Variants in GTF2F2 observed in about 807,000 individuals in gnomAD.
GTF2F2 encodes ATP-dependent helicase GTF2F2.
Under a neutral mutation model 42.2 loss-of-function variants are expected in GTF2F2, and 23 were observed. The ratio of observed to expected loss-of-function variants is 0.55; its 90% CI spans 0.39 to 0.77. The LOEUF (loss-of-function observed/expected upper bound fraction) is 0.77, where lower values mean the gene tolerates loss of function less well. Ranked by LOEUF, GTF2F2 falls within the 30% of genes least tolerant of loss-of-function variation. GTF2F2 has a pLI of 0.00. For synonymous variants in GTF2F2, 105 were observed against 100.8 expected (o/e 1.04, Z -0.25); for missense variants, 261 against 287.2 (o/e 0.91, Z 0.66).
At chr13:45,178,080 G>A (rs1188692584) in intron 4 of GTF2F2, among the ~76,000 whole-genome samples, 1 of 152,028 alleles carries the variant, frequency 6.6e-6, no homozygotes, top group Non-Finnish European at 1.5e-5. Context: ...TCCTTCATTT[G>A]TAGAAAACTT....
intron 4 of GTF2F2, among the ~76,000 whole-genome samples, chr13:45,189,739 A>T (rs892909008): frequency 1.3e-5 from 2 of 151,774 alleles, no homozygotes; most frequent in African/African-American, 4.8e-5. Context: ...GTTTTTATTT[A>T]CAATACCATT....
chr13:45,169,239 A>C (rs571069027), intron 4 of GTF2F2, among the ~76,000 whole-genome samples: 5 of 152,146 alleles, frequency 3.3e-5, no homozygotes, highest in Non-Finnish European at 5.9e-5. Flanking sequence ...TAAAGAGGCG[A>C]TGAATTTAAA....
intron 2 of GTF2F2, among the ~76,000 whole-genome samples, chr13:45,145,196 CT>C (rs1870133705): frequency 1.3e-5 from 2 of 152,170 alleles, no homozygotes; most frequent in African/African-American, 4.8e-5. Flanking sequence ...CTGCTAGGAA[CT>C]TATCCCAGGG....
chr13:45,262,914 A>G (rs955184233), intron 6 of GTF2F2, among the ~76,000 whole-genome samples: 1 of 151,030 alleles, frequency 6.6e-6, no homozygotes, highest in Non-Finnish European at 1.5e-5. Flanking sequence ...TTTTGTAGAG[A>G]TGGGTCTCAC....
chr13:45,133,356 A>T (rs969197116), intron 1 of GTF2F2, among the ~76,000 whole-genome samples: 6 of 152,190 alleles, frequency 3.9e-5, no homozygotes, highest in Non-Finnish European at 8.8e-5. Context: ...TATTAGGCTG[A>T]CTTGTCCCAG....
At chr13:45,125,695 T>C (rs1318693764) in intron 1 of GTF2F2, among the ~76,000 whole-genome samples, 1 of 152,212 alleles carries the variant, frequency 6.6e-6, no homozygotes, top group Non-Finnish European at 1.5e-5. Flanking sequence ...TTTATGTCTT[T>C]GGTCTTGTCA....
At chr13:45,223,459 G>A (rs1166665009) in intron 5 of GTF2F2, among the ~76,000 whole-genome samples, 4 of 151,946 alleles carry the variant, frequency 2.6e-5, no homozygotes, top group Non-Finnish European at 5.9e-5. Context: ...GAGTGGGGGT[G>A]GTGATGGCCA....
At chr13:45,281,038 A>G (rs74069904) in intron 7 of GTF2F2, among the ~76,000 whole-genome samples, 83 of 152,360 alleles carry the variant, frequency 5.4e-4, no homozygotes, top group African/African-American at 1.8e-3. Context: ...ATCCTGTTCA[A>G]TTAGAAAGTA....
chr13:45,264,385 G>A (rs190468831), intron 6 of GTF2F2, among the ~76,000 whole-genome samples: 5 of 151,820 alleles, frequency 3.3e-5, no homozygotes, highest in Middle Eastern at 3.2e-3. Flanking sequence ...GGCTTCAAGC[G>A]ATTCTGCTGC....
chr13:45,277,949 T>G (rs996039538), intron 7 of GTF2F2, among the ~76,000 whole-genome samples: 1 of 152,248 alleles, frequency 6.6e-6, no homozygotes, highest in Non-Finnish European at 1.5e-5. Flanking sequence ...GTTAACTTAC[T>G]TAAAGCATTA....
intron 4 of GTF2F2, among the ~76,000 whole-genome samples, chr13:45,153,011 ATTT>A (rs374461737): frequency 7.1e-6 from 1 of 141,662 alleles, no homozygotes; most frequent in Non-Finnish European, 1.5e-5. Flanking sequence ...ATCCTCGTAA[ATTT>A]TTTTTTTTTT....
Position 45,181,193 on chromosome 13 carries a change from A to AC in GTF2F2, c.305-26231_305-26230insC, listed in dbSNP as rs1566125543. Among the ~76,000 whole-genome samples the AC allele has an allele frequency of 1.8e-4, 21 of 118,318 alleles. 1 individual carries two copies. Among genetic ancestry groups the AC allele is most frequent in the African/African-American group, 1.4e-3 (20 of 14,336 alleles). The allele number at this position is 118,318 out of a possible 152,430, so 77.6% of individuals were successfully genotyped here. A position where few individuals can be genotyped will look rare whatever the true frequency, so the allele number is the denominator to read the frequency against. ...AAAGACAAAAAAACAAACAAACAAA[A>AC]AAAAAAAAAACCAGAAAAACCAAAG... On this transcript the variant is annotated intron_variant, in intron 4 of 7. Transcript: ENST00000340473.
At chr13:45,174,640 T>TTC (rs1871781087) in intron 4 of GTF2F2, among the ~76,000 whole-genome samples, 2 of 149,004 alleles carry the variant, frequency 1.3e-5, no homozygotes, top group Admixed American at 6.6e-5. Context: ...TTTTCTTTTT[T>TTC]TTTTTTTTTT....
chr13:45,260,570 A>G (rs957400910), intron 6 of GTF2F2, among the ~76,000 whole-genome samples: 2 of 152,268 alleles, frequency 1.3e-5, no homozygotes, highest in African/African-American at 4.8e-5. Context: ...GTATTTCTGC[A>G]AACAATAATC....
chr13:45,166,275 T>C (rs527310522), intron 4 of GTF2F2, among the ~76,000 whole-genome samples: 2 of 152,248 alleles, frequency 1.3e-5, no homozygotes, highest in African/African-American at 4.8e-5. Context: ...ATTTTTTCCC[T>C]TTTAAATACA....
At chr13:45,228,283 CTTT>C (rs372901327) in intron 5 of GTF2F2, among the ~76,000 whole-genome samples, 8 of 92,692 alleles carry the variant, frequency 8.6e-5, no homozygotes, top group Admixed American at 1.0e-4. Context: ...CAGAGTTAAT[CTTT>C]TTTTTTTTTT....
At chr13:45,213,147 C>T (rs911951553) in intron 5 of GTF2F2, among the ~76,000 whole-genome samples, 5 of 151,422 alleles carry the variant, frequency 3.3e-5, no homozygotes, top group Non-Finnish European at 5.9e-5. Flanking sequence ...GGCGCCATCT[C>T]GGCTCACTGC....
chr13:45,171,413 T>G (rs1273396057), intron 4 of GTF2F2, among the ~76,000 whole-genome samples: 1 of 152,144 alleles, frequency 6.6e-6, no homozygotes, highest in African/African-American at 2.4e-5. Context: ...AGAAACAGGT[T>G]TAAGTAATTT....
intron 6 of GTF2F2, among the ~76,000 whole-genome samples, chr13:45,254,916 C>T (rs1220788443): frequency 6.6e-6 from 1 of 151,978 alleles, no homozygotes; most frequent in African/African-American, 2.4e-5. Flanking sequence ...CCTGTAATCC[C>T]AGCACTTTGG....
Sources: gnomAD v4.1 joint callset for allele counts (sites outside exome capture counted in the v4.1 genomes callset) on GRCh38, gnomAD v4.1.1 for gene constraint, MANE v1.5 for transcripts, NCBI Gene and HGNC (gene_info 2026-07-23, HGNC 2026-07-21) for gene names.